Variants in SACS observed in about 807,000 individuals in gnomAD.
SACS encodes sacsin.
SACS carries 197 observed loss-of-function variants against 348.0 expected under a neutral mutation model. The observed-to-expected ratio is 0.57, with a 90% confidence interval of 0.50 to 0.64. SACS has a LOEUF of 0.64. SACS is among the 30% of genes least tolerant of loss of function. The probability of loss-of-function intolerance (pLI) is 0.00; values close to 1 mark genes in which losing one functional copy is unlikely to be tolerated. For missense variants in SACS, 4,999 were observed against 5,360.8 expected, an observed-to-expected ratio of 0.93 and a Z score of 2.11; for synonymous variants, 1,985 against 1,910.6, an observed-to-expected ratio of 1.04 and a Z score of -1.02.
intron 2 of SACS, among the ~76,000 whole-genome samples, chr13:23,388,413 G>GGT (rs71788205): frequency 2.9e-5 from 4 of 136,766 alleles, no homozygotes; most frequent in African/African-American, 1.1e-4. Context: ...TTTAAAAAAT[G>GGT]GTGTGTGTGT....
intron 1 of SACS, among the ~76,000 whole-genome samples, chr13:23,419,896 A>C (rs1873852430): frequency 6.6e-6 from 1 of 152,176 alleles, no homozygotes; most frequent in South Asian, 2.1e-4. Flanking sequence ...GTGTACCCCT[A>C]GGGACGCAGT....
intron 2 of SACS, among the ~76,000 whole-genome samples, chr13:23,385,688 T>C (rs1872263005): frequency 6.6e-6 from 1 of 152,206 alleles, no homozygotes; most frequent in African/African-American, 2.4e-5. Context: ...GAATCTAGAA[T>C]GGTGAATCCT....
At chr13:23,400,562 A>G (rs1872924717) in intron 2 of SACS, among the ~76,000 whole-genome samples, 1 of 152,196 alleles carries the variant, frequency 6.6e-6, no homozygotes, top group Non-Finnish European at 1.5e-5. Context: ...CTGGGCCTAC[A>G]GGTGCCCGCC....
rs1009823943 is a variant in SACS at position 23,375,500 on chromosome 13, C to T, written c.21-231G>A. The T allele has an allele frequency of 2.1e-4, 233 of 1,135,066 alleles. 1 individual carries two copies. The East Asian group carries it at 8.8e-3, about 43-fold the overall frequency. 70.3% of individuals were successfully genotyped at this position (1,135,066 alleles called of 1,614,324 possible). The stretch of plus-strand genomic sequence containing the variant: ...GCAGTCCCGTACGCAGCAGCCCGCG[C>T]CGAGGAGGAAACGCTAGAGGAAGCC... On this transcript the variant is annotated intron_variant, in intron 2 of 9. Transcript: ENST00000382292.
At chr13:23,344,679 TAAATG>T (rs1869487833) in intron 9 of SACS, among the ~76,000 whole-genome samples, 3 of 152,242 alleles carry the variant, frequency 2.0e-5, no homozygotes, top group African/African-American at 7.2e-5. Context: ...AGCAGTTTAA[TAAATG>T]AAATGGTTTT....
At chr13:23,357,928 C>T (rs1247160403) in intron 7 of SACS, among the ~76,000 whole-genome samples, 1 of 152,132 alleles carries the variant, frequency 6.6e-6, no homozygotes, top group Non-Finnish European at 1.5e-5. Flanking sequence ...GATATTATAC[C>T]TTCCTGTTTA....
At chr13:23,397,028 A>G (rs9507085) in intron 2 of SACS, among the ~76,000 whole-genome samples, 13,154 of 152,148 alleles carry the variant, frequency 0.086, 626 homozygotes, top group East Asian at 0.13. Flanking sequence ...GAAAAATTAT[A>G]CTATAAGACA....
rs750012725 is a variant in SACS, at chr13:23,340,150, A to G, written c.3726T>C (p.Asp1242=). ...VDWYSSKTFS[D]EDYYQFQHIL... is the part of the protein sequence containing the mutation. Reference sequence around the variant, plus strand: ...TATGCTGGAATTGATAGTAGTCTTCATCACTAAAGGTTTTTGAAGAATACC... The same window carrying G: ...TATGCTGGAATTGATAGTAGTCTTCGTCACTAAAGGTTTTTGAAGAATACC... The change falls in exon 10 of 10, where the codon GAT becomes GAC. Residue 1242 remains aspartate, a synonymous_variant. Coordinates refer to ENST00000382292, the MANE Select transcript of SACS (RefSeq NM_014363.6). 3 of 1,613,530 alleles carry G rather than the reference A, an allele frequency of 1.9e-6. No homozygotes were observed. In the East Asian group the frequency reaches 6.7e-5, roughly 36 times the overall value.
In SACS at chr13:23,334,807, A is replaced by G; in HGVS notation, c.9069T>C (p.Thr3023=). Residue 3023 remains threonine (T), a synonymous_variant, in exon 10 of 10, where the codon ACT becomes ACC. Coordinates refer to ENST00000382292, the MANE Select transcript of SACS (RefSeq NM_014363.6). ...TWINMSTSNK[T]RPFFDNLLQD... is the part of the protein sequence containing the mutation. ...GTAGTAAATTGTCAAAAAATGGTCTAGTTTTATTAGAAGTAGACATATTGA... is the reference window on the plus strand; with the variant it reads ...GTAGTAAATTGTCAAAAAATGGTCTGGTTTTATTAGAAGTAGACATATTGA... 1 of 1,613,846 alleles carries G rather than the reference A, an allele frequency of 6.2e-7. No homozygotes were observed. The highest frequency in any genetic ancestry group is 8.5e-7 in the Non-Finnish European group (1 of 1,179,808).
chr13:23,364,575 C>G (rs1870947391), intron 6 of SACS, among the ~76,000 whole-genome samples: 1 of 152,226 alleles, frequency 6.6e-6, no homozygotes, highest in South Asian at 2.1e-4. Context: ...GCCACCGCAC[C>G]CAGCCAGAGG....
chr13:23,377,326 T>C (rs1871854750), intron 2 of SACS, among the ~76,000 whole-genome samples: 2 of 152,204 alleles, frequency 1.3e-5, no homozygotes, highest in South Asian at 4.1e-4. Flanking sequence ...CTGATGTGAA[T>C]GCAAAGGCTT....
chr13:23,422,662 CTTT>C (rs66714128), intron 1 of SACS, among the ~76,000 whole-genome samples: 7 of 143,464 alleles, frequency 4.9e-5, no homozygotes, highest in African/African-American at 7.6e-5. Context: ...TGTGGTGTTT[CTTT>C]TTTTTTTTTT....
In SACS at chr13:23,341,592, C is replaced by G. The variant is rs753219677; in HGVS notation, c.2284G>C (p.Val762Leu). ...NTFWPGRELI[V>L]QWYPFDENRN... ...TTTTCATCAAATGGATACCATTGAA[C>G]AATCAATTCTCTGCCAGGCCAGAAT... Residue 762 changes from valine to leucine, a missense_variant, in exon 10 of 10, where the codon GTT (valine) becomes CTT (leucine). Val to Leu is a conservative substitution (Grantham distance 32). Around this residue, in one of 6 missense-constraint regions of SACS, gnomAD observed 3,156 missense variants for 3,380.1 expected, o/e 0.93. Coordinates refer to ENST00000382292, the MANE Select transcript of SACS (RefSeq NM_014363.6). The G allele has an allele frequency of 1.2e-6, 2 of 1,613,792 alleles. No homozygotes were observed. Among genetic ancestry groups the G allele is most frequent in the Admixed American group, 1.7e-5 (1 of 59,994 alleles).
chr13:23,406,636 T>A (rs1873230007), intron 2 of SACS, among the ~76,000 whole-genome samples: 1 of 152,240 alleles, frequency 6.6e-6, no homozygotes, highest in South Asian at 2.1e-4. Flanking sequence ...TGAATTTTAG[T>A]ATTTTCAAAT....
intron 5 of SACS, 113 bp downstream of exon 5, chr13:23,368,289 T>C (rs1215585593): frequency 1.4e-6 from 1 of 730,714 alleles, no homozygotes; most frequent in East Asian, 2.7e-5. Context: ...AATACAGCTA[T>C]TTGAATCTAG....
In SACS at chr13:23,334,393, A is replaced by C; in HGVS notation, c.9483T>G (p.Ser3161Arg). The C allele has an allele frequency of 6.2e-7, 1 of 1,613,406 alleles. No individual in the cohort carries two copies. The highest frequency in any genetic ancestry group is 8.5e-7 in the Non-Finnish European group (1 of 1,179,776). ...GTTTTGCATCAAAAGTTTGCAAAAC[A>C]CTGTCCAGTGTGATGAGAAGGGGCA... ...EGLPLLITLD[S>R]VLQTFDAKRP... Residue 3161 changes from serine to arginine, a missense_variant, in exon 10 of 10, where the codon AGT becomes AGG. By Grantham distance (110) the Ser-to-Arg change is moderately radical. Coordinates refer to ENST00000382292, the MANE Select transcript of SACS (RefSeq NM_014363.6).
chr13:23,391,881 C>T (rs1341880480), intron 2 of SACS, among the ~76,000 whole-genome samples: 2 of 152,184 alleles, frequency 1.3e-5, no homozygotes, highest in Non-Finnish European at 2.9e-5. Context: ...TCCCTCCTTT[C>T]CTCCCTGAGT....
chr13:23,341,142 C>G lies in SACS; in HGVS notation c.2734G>C (p.Asp912His). The G allele has an allele frequency of 6.2e-7, 1 of 1,613,158 alleles. No individual in the cohort carries two copies. Among genetic ancestry groups the G allele is most frequent in the Non-Finnish European group, 8.5e-7 (1 of 1,179,952 alleles). ...ATTCTTTTCTCTTTCTCACTGCTAT[C>G]GGTTAAACTAGCCAAGAACTTCCTC... ...ALRKFLASLTDSSEKEKRIIQ... is the reference protein window; with the variant it reads ...ALRKFLASLTHSSEKEKRIIQ... The change falls in exon 10 of 10, where the codon GAT (aspartate) becomes CAT (histidine). Residue 912 changes from aspartate (D) to histidine (H), a missense_variant. Asp to His is a moderately conservative substitution (Grantham distance 81). Coordinates refer to ENST00000382292, the MANE Select transcript of SACS (RefSeq NM_014363.6).
intron 9 of SACS, among the ~76,000 whole-genome samples, chr13:23,351,148 G>A (rs759639907): frequency 6.6e-6 from 1 of 152,190 alleles, no homozygotes; most frequent in Non-Finnish European, 1.5e-5. Context: ...AAAGCAAGGT[G>A]TCACTTACTG....
Sources: gnomAD v4.1 joint callset for allele counts (sites outside exome capture counted in the v4.1 genomes callset) on GRCh38, gnomAD v4.1.1 for gene constraint, gnomAD v4.1.1 regional missense constraint, MANE v1.5 for transcripts, NCBI Gene and HGNC (gene_info 2026-07-23, HGNC 2026-07-21) for gene names.